The following DOK6 variants were observed in gnomAD, a reference collection of about 807,000 sequenced individuals.
DOK6 encodes docking protein 6.
DOK6 carries 22 observed loss-of-function variants against 44.0 expected under a neutral mutation model. That is an observed-to-expected ratio of 0.50 (90% CI 0.36 to 0.71). The LOEUF is 0.71. DOK6 is among the 30% of genes least tolerant of loss of function. The pLI, the probability that DOK6 is intolerant of heterozygous loss-of-function variation, is 0.00. For missense variants in DOK6, 340 were observed against 416.4 expected (o/e 0.82, Z 1.60); for synonymous variants, 166 against 145.5 (o/e 1.14, Z -1.01).
chr18:69,825,444 T>C (rs1981712839), intron 7 of DOK6, among the ~76,000 whole-genome samples: 1 of 140,542 alleles, frequency 7.1e-6, no homozygotes. Context: ...TTTTTTTTTT[T>C]TTTTTTTTTG....
chr18:69,799,877 G>A (rs184281832), intron 7 of DOK6, among the ~76,000 whole-genome samples: 33 of 151,948 alleles, frequency 2.2e-4, no homozygotes, highest in Non-Finnish European at 2.1e-4. Context: ...AAACTTAACC[G>A]CACAACTTGA....
chr18:69,407,196 A>G (rs1916221640), intron 1 of DOK6, among the ~76,000 whole-genome samples: 1 of 152,232 alleles, frequency 6.6e-6, no homozygotes, highest in Non-Finnish European at 1.5e-5. Flanking sequence ...GAAACTGTTG[A>G]GTAGGACAAT....
intron 7 of DOK6, among the ~76,000 whole-genome samples, chr18:69,804,773 G>C (rs1310932479): frequency 6.6e-6 from 1 of 152,126 alleles, no homozygotes; most frequent in East Asian, 1.9e-4. Flanking sequence ...AGCTTCCTCA[G>C]AAAATCTTAA....
chr18:69,580,382 G>C (rs1054205853), intron 2 of DOK6, among the ~76,000 whole-genome samples: 5 of 152,128 alleles, frequency 3.3e-5, no homozygotes, highest in African/African-American at 1.2e-4. Context: ...AAGCCAGCAC[G>C]GCACATCAAA....
intron 4 of DOK6, among the ~76,000 whole-genome samples, chr18:69,695,977 G>T (rs1331099302): frequency 6.6e-6 from 1 of 152,104 alleles, no homozygotes; most frequent in East Asian, 1.9e-4. Flanking sequence ...TCACCTGCTG[G>T]TATTGACTAG....
At chr18:69,669,915 C>A (rs1985754840) in intron 3 of DOK6, among the ~76,000 whole-genome samples, 1 of 152,044 alleles carries the variant, frequency 6.6e-6, no homozygotes, top group African/African-American at 2.4e-5. Flanking sequence ...AAATATTTGG[C>A]CTTTATATTT....
At chr18:69,828,084 T>G (rs1981794221) in intron 7 of DOK6, among the ~76,000 whole-genome samples, 1 of 151,920 alleles carries the variant, frequency 6.6e-6, no homozygotes, top group Admixed American at 6.6e-5. Context: ...AGTAGTTCCT[T>G]GATTATTAAA....
intron 5 of DOK6, among the ~76,000 whole-genome samples, chr18:69,708,243 CT>C (rs1327777436): frequency 1.3e-5 from 2 of 151,904 alleles, no homozygotes; most frequent in African/African-American, 4.8e-5. Context: ...AATAATAATC[CT>C]TTAGGTTAAT....
chr18:69,662,216 C>G (rs115098721), intron 3 of DOK6: 3,936 of 152,308 alleles, frequency 0.026, 183 homozygotes, highest in African/African-American at 0.091. Context: ...CTAATCTCAG[C>G]TGATCCACCT....
intron 1 of DOK6, among the ~76,000 whole-genome samples, chr18:69,557,272 CT>C (rs1599190469): frequency 6.6e-6 from 1 of 152,184 alleles, no homozygotes. Context: ...CAAAATCCTA[CT>C]TGAAGTGCAG....
At chr18:69,752,059 G>C (rs1323194843) in intron 6 of DOK6, among the ~76,000 whole-genome samples, 1 of 151,844 alleles carries the variant, frequency 6.6e-6, no homozygotes, top group African/African-American at 2.4e-5. Context: ...AGATCAAGAA[G>C]ATAACCTAAG....
intron 1 of DOK6, among the ~76,000 whole-genome samples, chr18:69,410,247 G>A (rs1227397500): frequency 6.6e-6 from 1 of 152,174 alleles, no homozygotes; most frequent in Non-Finnish European, 1.5e-5. Context: ...TGTCAACCAC[G>A]ACTGCATATA....
At chr18:69,728,051 G>GC (rs1392637612) in intron 5 of DOK6, among the ~76,000 whole-genome samples, 2 of 152,276 alleles carry the variant, frequency 1.3e-5, no homozygotes. Flanking sequence ...ACTGATTTGG[G>GC]CTTTGCAGGG....
chr18:69,841,419 T>C lies in DOK6; in HGVS notation c.*36T>C. 1 of 1,613,454 alleles carries C rather than the reference T, an allele frequency of 6.2e-7. No homozygotes were observed. The highest frequency in any genetic ancestry group is 1.3e-5 in the African/African-American group (1 of 75,036). ...GCCGCTGTTGACTAGAGAGACAGTCTGTCCTGGACCCGTCTGTGGGGTCAT... is the reference window on the plus strand; with the variant it reads ...GCCGCTGTTGACTAGAGAGACAGTCCGTCCTGGACCCGTCTGTGGGGTCAT... On this transcript the variant is annotated 3_prime_UTR_variant, in exon 8 of 8. Coordinates refer to ENST00000382713, the MANE Select transcript of DOK6 (RefSeq NM_152721.6).
chr18:69,835,421 C>T (rs1982021257), intron 7 of DOK6, among the ~76,000 whole-genome samples: 3 of 151,772 alleles, frequency 2.0e-5, no homozygotes, highest in Admixed American at 2.0e-4. Context: ...GCCAAAATCG[C>T]ACCACTGCAC....
intron 1 of DOK6, among the ~76,000 whole-genome samples, chr18:69,512,332 C>CTTCTTCTTTTTTTTTTTTTTTTT (rs59109570): frequency 4.4e-5 from 4 of 91,690 alleles, no homozygotes; most frequent in African/African-American, 1.9e-4. Flanking sequence ...CTTTCTTCTT[C>CTTCTTCTTTTTTTTTTTTTTTTT]TTTTTTTTTT....
At chr18:69,493,916 T>C (rs1440557574) in intron 1 of DOK6, among the ~76,000 whole-genome samples, 1 of 152,180 alleles carries the variant, frequency 6.6e-6, no homozygotes, top group African/African-American at 2.4e-5. Context: ...ATGATTACCA[T>C]AATCAAGCAA....
At chr18:69,687,623 A>G (rs1327741243) in intron 4 of DOK6, among the ~76,000 whole-genome samples, 1 of 152,172 alleles carries the variant, frequency 6.6e-6, no homozygotes, top group East Asian at 1.9e-4. Flanking sequence ...CAGAGGTTGC[A>G]GCGAGCCACA....
intron 1 of DOK6, among the ~76,000 whole-genome samples, chr18:69,430,212 C>G (rs1867104): frequency 0.19 from 28,582 of 152,064 alleles, 3,037 homozygotes; most frequent in South Asian, 0.31. Context: ...TTGTCTACAT[C>G]AAAACTGTCA....
Sources: allele counts gnomAD v4.1 joint callset (sites outside exome capture counted in the v4.1 genomes callset), GRCh38; gene constraint gnomAD v4.1.1; transcripts MANE v1.5; gene names NCBI Gene and HGNC (gene_info 2026-07-23, HGNC 2026-07-21).